Variants in CCDC57 observed in about 807,000 individuals in gnomAD.
The protein encoded by CCDC57 is coiled-coil domain containing 57.
A neutral mutation model predicts 118.9 loss-of-function variants in CCDC57; 118 were observed. That is an observed-to-expected ratio of 0.99 (90% CI 0.86 to 1.16). CCDC57 has a LOEUF of 1.16. Among genes scored for constraint, CCDC57 ranks in the 50% most tolerant of loss-of-function variants. The pLI is 0.00. For synonymous variants in CCDC57, 527 were observed against 532.9 expected (o/e 0.99, Z 0.15); for missense variants, 1,300 against 1,320.7 (o/e 0.98, Z 0.24).
chr17:82,157,937 T>G, exon 15 of CCDC57: 1 of 1,554,820 alleles, frequency 6.4e-7, no homozygotes, highest in Non-Finnish European at 8.7e-7. Flanking sequence ...GCTCCAGGGG[T>G]TCCCGCAGCA....
intron 15 of CCDC57, chr17:82,151,985 C>T: frequency 3.5e-6 from 2 of 565,490 alleles, no homozygotes; most frequent in South Asian, 4.2e-5. Flanking sequence ...AATAAAGGCC[C>T]ACAGATCTCC....
chr17:82,128,915 C>CT (rs1256942054), intron 17 of CCDC57, among the ~76,000 whole-genome samples: 3 of 151,710 alleles, frequency 2.0e-5, no homozygotes, highest in African/African-American at 7.3e-5. Context: ...GCCGATCCTG[C>CT]TTTTTTGTTT....
At chr17:82,171,839 G>C (rs1160329226) in exon 13 of CCDC57, 1 of 1,612,876 alleles carries the variant, frequency 6.2e-7, no homozygotes, top group Admixed American at 1.7e-5. Flanking sequence ...TCTGCTTCAA[G>C]GGCCAGAACA....
At chr17:82,178,723 G>A in intron 10 of CCDC57, 118 bp from the exon 10 acceptor site, 5 of 1,424,570 alleles carry the variant, frequency 3.5e-6, no homozygotes, top group African/African-American at 1.4e-5. Flanking sequence ...TCCCCACTGT[G>A]GCCAGGCCGC....
intron 17 of CCDC57, among the ~76,000 whole-genome samples, chr17:82,132,289 G>A (rs1453596291): frequency 6.6e-6 from 1 of 152,094 alleles, no homozygotes; most frequent in African/African-American, 2.4e-5. Flanking sequence ...TTGGAACTGT[G>A]TAGAAAACCC....
chr17:82,185,658 C>T (rs2046836771), intron 8 of CCDC57, among the ~76,000 whole-genome samples: 1 of 151,788 alleles, frequency 6.6e-6, no homozygotes, highest in African/African-American at 2.4e-5. Flanking sequence ...CCTGTTAATC[C>T]TACAGGTTTT....
intron 13 of CCDC57, among the ~76,000 whole-genome samples, chr17:82,163,772 A>C (rs1392100034): frequency 6.6e-6 from 1 of 152,228 alleles, no homozygotes; most frequent in Non-Finnish European, 1.5e-5. Flanking sequence ...CTACCTTAGA[A>C]ACTTCAGGAA....
At chr17:82,205,686 G>C (rs1051645609) in intron 2 of CCDC57, among the ~76,000 whole-genome samples, 4 of 152,168 alleles carry the variant, frequency 2.6e-5, no homozygotes, top group Non-Finnish European at 4.4e-5. Context: ...CAGATGGCAC[G>C]TACCACCCCC....
At chr17:82,150,259 T>C (rs1286241476) in intron 16 of CCDC57, among the ~76,000 whole-genome samples, 1 of 120,362 alleles carries the variant, frequency 8.3e-6, no homozygotes, top group African/African-American at 3.3e-5. Context: ...ACTCAGAACC[T>C]GACCCGCACC....
intron 2 of CCDC57, among the ~76,000 whole-genome samples, chr17:82,204,200 C>T (rs1418222677): frequency 4.6e-5 from 7 of 152,178 alleles, no homozygotes; most frequent in Admixed American, 3.9e-4. Context: ...GACCATCACG[C>T]CACCTGGACC....
At chr17:82,170,522 A>T (rs1413153787) in intron 13 of CCDC57, among the ~76,000 whole-genome samples, 13 of 151,202 alleles carry the variant, frequency 8.6e-5, no homozygotes, top group Non-Finnish European at 1.5e-5. Flanking sequence ...AAAAAAAAAA[A>T]AAAGAGGAAG....
intron 19 of CCDC57, among the ~76,000 whole-genome samples, chr17:82,121,732 A>G (rs2036712427): frequency 6.6e-6 from 1 of 152,212 alleles, no homozygotes; most frequent in African/African-American, 2.4e-5. Flanking sequence ...GCGTCCTGCC[A>G]TGGGGCCGTG....
intron 13 of CCDC57, among the ~76,000 whole-genome samples, chr17:82,164,757 G>T (rs1372289509): frequency 1.3e-5 from 2 of 152,058 alleles, no homozygotes; most frequent in Non-Finnish European, 2.9e-5. Context: ...CTACAACTAT[G>T]AAAAAAACTG....
exon 6 of CCDC57, chr17:82,194,063 T>G: frequency 6.2e-7 from 1 of 1,613,938 alleles, no homozygotes; most frequent in Non-Finnish European, 8.5e-7. Context: ...GTTGGTGGCC[T>G]CTGCCCTCTG....
chr17:82,169,243 C>T (rs898178725), intron 13 of CCDC57, among the ~76,000 whole-genome samples: 2 of 152,190 alleles, frequency 1.3e-5, no homozygotes, highest in African/African-American at 4.8e-5. Context: ...TCTCCTGCCT[C>T]AGCCTCCCAA....
intron 15 of CCDC57, chr17:82,152,080 C>A: frequency 2.6e-6 from 1 of 385,830 alleles, no homozygotes; most frequent in South Asian, 2.7e-5. Context: ...TCATCTATGC[C>A]TTTGTGTCTT....
At chr17:82,204,656 G>A (rs1276678006) in intron 2 of CCDC57, among the ~76,000 whole-genome samples, 4 of 152,252 alleles carry the variant, frequency 2.6e-5, no homozygotes, top group Admixed American at 1.3e-4. Flanking sequence ...GGTGGTGGGC[G>A]CCTGTAGTCC....
chr17:82,177,406 G>A (rs537051309), intron 11 of CCDC57, among the ~76,000 whole-genome samples: 1 of 152,148 alleles, frequency 6.6e-6, no homozygotes, highest in Non-Finnish European at 1.5e-5. Context: ...TTAGCCAGGC[G>A]TGGTGATGCG....
At position 82,172,503 on chromosome 17, in the gene CCDC57, T is replaced by C. The variant is rs2044874402; in HGVS notation, c.1729+135A>G. 1.4e-5 allele frequency: 10 copies of C among 710,358 alleles called. No individual in the cohort carries two copies. Among genetic ancestry groups the C allele is most frequent in the Admixed American group, 7.7e-5 (3 of 39,106 alleles). The allele number at this position is 710,358 out of a possible 1,614,324, so 44.0% of individuals were successfully genotyped here. On this transcript the variant is annotated intron_variant, in intron 12 of 19. Coordinates refer to ENST00000665763, the Ensembl canonical transcript of CCDC57. This position sits in a 1 kb window ranked among gnomAD's most constrained non-coding sequence, Gnocchi z 5.2. Reference sequence around the variant, plus strand: ...AAGCAGTTTTCATACTTTGAGTTTATTACAGGGGATGTTAACTTATAGGAC... The same window carrying C: ...AAGCAGTTTTCATACTTTGAGTTTACTACAGGGGATGTTAACTTATAGGAC...
Sources: gnomAD v4.1 joint callset for allele counts (sites outside exome capture counted in the v4.1 genomes callset) on GRCh38, gnomAD v4.1.1 for gene constraint, Gnocchi (gnomAD v3.1) non-coding constraint, MANE v1.5 for transcripts, NCBI Gene and HGNC (gene_info 2026-07-23, HGNC 2026-07-21) for gene names.